The following CCDC150 variants were observed in gnomAD, a reference collection of about 807,000 sequenced individuals.
The protein encoded by CCDC150 is coiled-coil domain-containing protein 150.
A neutral mutation model predicts 156.5 loss-of-function variants in CCDC150; 151 were observed. The observed-to-expected ratio is 0.97, with a 90% CI of 0.85 to 1.10. The LOEUF is 1.10. Among genes scored for constraint, CCDC150 ranks in the 50% least tolerant of loss-of-function variants. The pLI, the probability that CCDC150 is intolerant of heterozygous loss-of-function variation, is 0.00. For missense variants in CCDC150, 1,312 were observed against 1,268.1 expected (o/e 1.03, Z -0.53); for synonymous variants, 452 against 429.4 (o/e 1.05, Z -0.65).
chr2:196,679,676 T>TA (rs1694704499), intron 13 of CCDC150, among the ~76,000 whole-genome samples: 1 of 152,252 alleles, frequency 6.6e-6, no homozygotes, highest in Non-Finnish European at 1.5e-5. Context: ...ATGTTTAGCA[T>TA]AATAACAAAC....
At chr2:196,674,154 A>C in intron 9 of CCDC150, 87 bp from the exon 10 acceptor site, 1 of 783,750 alleles carries the variant, frequency 1.3e-6, no homozygotes, top group Non-Finnish European at 2.1e-6. Context: ...ACAGTGAGAT[A>C]CTATGCAATC....
At chr2:196,652,631 T>C (rs1692954873) in intron 2 of CCDC150, among the ~76,000 whole-genome samples, 1 of 152,222 alleles carries the variant, frequency 6.6e-6, no homozygotes, top group South Asian at 2.1e-4. Flanking sequence ...AGTGGCTGTG[T>C]CCTTCTGGGG....
intron 14 of CCDC150, among the ~76,000 whole-genome samples, chr2:196,696,893 C>T (rs1695861064): frequency 2.0e-5 from 3 of 152,178 alleles, no homozygotes; most frequent in Non-Finnish European, 4.4e-5. Context: ...GTGTGTGTAA[C>T]ATCACAAACT....
At chr2:196,681,235 T>C (rs919646403) in intron 13 of CCDC150, among the ~76,000 whole-genome samples, 2 of 152,194 alleles carry the variant, frequency 1.3e-5, no homozygotes, top group Non-Finnish European at 2.9e-5. Flanking sequence ...TGTGGCTTCT[T>C]TTACTTAGCA....
intron 8 of CCDC150, among the ~76,000 whole-genome samples, chr2:196,670,260 G>A (rs1694123701): frequency 6.6e-6 from 1 of 151,986 alleles, no homozygotes; most frequent in African/African-American, 2.4e-5. Flanking sequence ...ATTTTGTCAT[G>A]TATATTTTGC....
Position 196,676,534 on chromosome 2 carries a change from T to C in CCDC150, c.1263-20T>C. 5.0e-6 allele frequency: 8 copies of C among 1,588,130 alleles called. No homozygotes were observed. Among genetic ancestry groups the C allele is most frequent in the Non-Finnish European group, 6.9e-6 (8 of 1,166,182 alleles). On this transcript the variant is annotated intron_variant, in intron 11 of 27. Transcript: ENST00000389175. Reference sequence around the variant, plus strand: ...AGAACTCTAATTTAGCTTTCATATGTTCTTGATCTCTTCCTGCAGGGATCA... The same window carrying C: ...AGAACTCTAATTTAGCTTTCATATGCTCTTGATCTCTTCCTGCAGGGATCA...
chr2:196,703,743 G>A (rs1696399797), intron 15 of CCDC150, among the ~76,000 whole-genome samples: 1 of 152,154 alleles, frequency 6.6e-6, no homozygotes, highest in South Asian at 2.1e-4. Flanking sequence ...GACTGGGAAT[G>A]AAATATATTT....
At chr2:196,691,217 C>A (rs1052112011) in intron 13 of CCDC150, among the ~76,000 whole-genome samples, 4 of 152,144 alleles carry the variant, frequency 2.6e-5, no homozygotes, top group Non-Finnish European at 4.4e-5. Context: ...TGCTGCTGGC[C>A]TCATAGAATA....
Position 196,730,522 on chromosome 2 carries a change from C to T in CCDC150, c.2983-337C>T, listed in dbSNP as rs904107013. On this transcript the variant is annotated intron_variant, in intron 25 of 27. Transcript: ENST00000389175. ...GAATAAAAAGCATAACGTCTTATCA[C>T]TGAAAAGGGACTTCAAGAGATCACT... Among the ~76,000 whole-genome samples, 7 of 152,300 alleles carry T rather than the reference C, an allele frequency of 4.6e-5. No individual in the cohort carries two copies. The East Asian group carries it at 1.4e-3, about 29-fold the overall frequency.
In CCDC150 at chr2:196,666,724, C is replaced by T; in HGVS notation, c.768C>T (p.His256=). ...STVEVERKQV[H]ILQQNCIALR... ...TTTTTCTTATACAATTTCAGGTGCA[C>T]ATTTTGCAGCAAAACTGCATTGCTC... The change falls in exon 7 of 28, where the codon CAC becomes CAT. Residue 256 remains histidine (H), a synonymous_variant. Coordinates refer to ENST00000389175, the MANE Select transcript of CCDC150 (RefSeq NM_001080539.2). The T allele has an allele frequency of 6.3e-7, 1 of 1,597,746 alleles. No individual in the cohort carries two copies. The highest frequency in any genetic ancestry group is 8.5e-7 in the Non-Finnish European group (1 of 1,174,178).
chr2:196,702,580 AG>A (rs528789022), intron 15 of CCDC150, among the ~76,000 whole-genome samples: 1,602 of 152,028 alleles, frequency 0.011, 23 homozygotes, highest in Middle Eastern at 0.034. Flanking sequence ...CATGTAGCCC[AG>A]GCTGGTCTCG....
intron 17 of CCDC150, among the ~76,000 whole-genome samples, chr2:196,717,566 A>G (rs1294329207): frequency 6.6e-6 from 1 of 152,154 alleles, no homozygotes; most frequent in Non-Finnish European, 1.5e-5. Context: ...TTTGATGTTG[A>G]ACTACAGAGA....
At chr2:196,682,914 G>T (rs577045740) in intron 13 of CCDC150, among the ~76,000 whole-genome samples, 2 of 151,912 alleles carry the variant, frequency 1.3e-5, no homozygotes, top group East Asian at 3.9e-4. Flanking sequence ...TTGTTCTGTT[G>T]CCTGGCTGGT....
intron 9 of CCDC150, among the ~76,000 whole-genome samples, chr2:196,673,620 A>G (rs1163272032): frequency 2.6e-5 from 4 of 152,184 alleles, no homozygotes; most frequent in Non-Finnish European, 5.9e-5. Flanking sequence ...TGTTTAAAAC[A>G]TAAGATCTTT....
At chr2:196,718,681 T>C (rs775198113) in intron 18 of CCDC150, 50 bp downstream of exon 18, 11 of 1,597,980 alleles carry the variant, frequency 6.9e-6, no homozygotes, top group Admixed American at 6.9e-5. Flanking sequence ...GAAGCACTTA[T>C]GAAATCTTTC....
chr2:196,639,801 T>A (rs774374737), intron 1 of CCDC150, 23 bp downstream of exon 1: 7 of 1,573,078 alleles, frequency 4.4e-6, no homozygotes, highest in Non-Finnish European at 6.1e-6. Context: ...GGCCCCGGGC[T>A]GGTGAGGGGT....
intron 14 of CCDC150, 100 bp from the exon 15 acceptor site, chr2:196,701,009 T>C (rs921510026): frequency 4.0e-6 from 3 of 747,610 alleles, no homozygotes; most frequent in African/African-American, 1.8e-5. Flanking sequence ...CTTGATCTTA[T>C]GATGATAGAA....
chr2:196,680,712 G>A (rs559414051), intron 13 of CCDC150, among the ~76,000 whole-genome samples: 1 of 152,224 alleles, frequency 6.6e-6, no homozygotes, highest in Admixed American at 6.5e-5. Flanking sequence ...GTAAACATAT[G>A]TTTTCAGTTG....
chr2:196,709,515 C>CTA (rs1362201584), intron 15 of CCDC150, among the ~76,000 whole-genome samples: 2 of 152,182 alleles, frequency 1.3e-5, no homozygotes, highest in East Asian at 3.8e-4. Context: ...GTCAGGTAGT[C>CTA]AAAGTCATTC....
Sources: gnomAD v4.1 joint callset for allele counts (sites outside exome capture counted in the v4.1 genomes callset) on GRCh38, gnomAD v4.1.1 for gene constraint, MANE v1.5 for transcripts, NCBI Gene and HGNC (gene_info 2026-07-23, HGNC 2026-07-21) for gene names.